The following EHMT1 variants were observed in gnomAD, a reference collection of about 807,000 sequenced individuals.
The protein encoded by EHMT1 is euchromatic histone lysine methyltransferase 1.
EHMT1 carries 15 observed loss-of-function variants against 147.2 expected under a neutral mutation model. The observed-to-expected ratio is 0.10, with a 90% CI of 0.07 to 0.16. The LOEUF is 0.16. EHMT1 is among the 10% of genes least tolerant of loss of function. EHMT1 has a pLI of 1.00. For synonymous variants in EHMT1, 795 were observed against 709.6 expected, an observed-to-expected ratio of 1.12 and a Z score of -1.91; for missense variants, 1,587 against 1,772.4, an observed-to-expected ratio of 0.90 and a Z score of 1.88.
chr9:137,776,074 T>A lies in EHMT1; in HGVS notation c.1792-544T>A, dbSNP rs927325632. ...GAGACTTTCTTTGGACTTCACACCT[T>A]GCATGTCCTCCCCATCTTCAAACAT... On this transcript the variant is annotated intron_variant, in intron 11 of 26. Transcript: ENST00000460843. The surrounding 1 kb of genome is among the most constrained non-coding windows in gnomAD (Gnocchi z 4.4). Among the ~76,000 whole-genome samples the A allele has an allele frequency of 6.6e-6, 1 of 152,206 alleles. No individual in the cohort carries two copies. The highest frequency in any genetic ancestry group is 6.5e-5 in the Admixed American group (1 of 15,284).
Position 137,779,625 on chromosome 9 carries a change from C to A in EHMT1, c.2193-10C>A, listed in dbSNP as rs376105503. On this transcript the variant is annotated splice_polypyrimidine_tract_variant and intron_variant, in intron 13 of 26. Coordinates refer to ENST00000460843, the MANE Select transcript of EHMT1 (RefSeq NM_024757.5). ...GCCCCATGCTGACTGTTGTCTTGTG[C>A]TTCCCACAGACCCAAGAAGCTTCGC... The A allele has an allele frequency of 1.2e-6, 2 of 1,613,646 alleles. No individual in the cohort carries two copies. The highest frequency in any genetic ancestry group is 1.7e-6 in the Non-Finnish European group (2 of 1,180,024).
At chr9:137,774,990 C>T in intron 10 of EHMT1, 119 bp from the exon 11 acceptor site, 2 of 1,468,064 alleles carry the variant, frequency 1.4e-6, no homozygotes, top group Non-Finnish European at 1.9e-6. Flanking sequence ...CAGGGCTCGG[C>T]TCAGTCAGCC....
intron 1 of EHMT1, among the ~76,000 whole-genome samples, chr9:137,632,802 T>A (rs1271483601): frequency 6.6e-6 from 1 of 152,198 alleles, no homozygotes; most frequent in Non-Finnish European, 1.5e-5. Context: ...TATTCCTGGG[T>A]ATAGCATCAC....
intron 16 of EHMT1, among the ~76,000 whole-genome samples, chr9:137,795,607 C>T (rs1030937388): frequency 5.3e-5 from 8 of 152,086 alleles, no homozygotes; most frequent in Admixed American, 5.2e-4. Flanking sequence ...ACAGTGGCCC[C>T]GGCTGGGAGT....
At chr9:137,668,052 C>G (rs1480909162) in intron 1 of EHMT1, among the ~76,000 whole-genome samples, 1 of 152,140 alleles carries the variant, frequency 6.6e-6, no homozygotes, top group East Asian at 1.9e-4. Flanking sequence ...CCTTTATAGA[C>G]TTTTGCAGAA....
chr9:137,769,908 C>G (rs946163941), intron 10 of EHMT1, among the ~76,000 whole-genome samples: 2 of 152,134 alleles, frequency 1.3e-5, no homozygotes, highest in East Asian at 3.8e-4. Context: ...ATGAACACGA[C>G]ACAGTGCAGC....
intron 1 of EHMT1, among the ~76,000 whole-genome samples, chr9:137,695,768 A>G (rs1369009578): frequency 1.3e-5 from 2 of 152,342 alleles, no homozygotes; most frequent in East Asian, 3.9e-4. Context: ...CGTCTGTGTC[A>G]TGGGCTGCCA....
intron 25 of EHMT1, among the ~76,000 whole-genome samples, chr9:137,823,119 G>A (rs1242236366): frequency 1.0e-5 from 1 of 97,640 alleles, no homozygotes; most frequent in African/African-American, 4.3e-5. Flanking sequence ...TTTTTTTTGA[G>A]ACGGAGTCTC....
At position 137,834,072 on chromosome 9, in the gene EHMT1, T is replaced by A. The variant is rs980467454; in HGVS notation, c.3541-277T>A. The A allele has an allele frequency of 1.7e-5, 9 of 536,164 alleles. No individual in the cohort carries two copies. The Admixed American group carries it at 2.5e-4, about 15-fold the overall frequency. The allele number at this position is 536,164 out of a possible 1,614,324, so 33.2% of individuals were successfully genotyped here. On this transcript the variant is annotated intron_variant, in intron 25 of 26. Transcript: ENST00000460843. Reference sequence around the variant, plus strand: ...ACATTCCACCGCGCTGGAAGCCCCATGGGGACGCCGTCAAGGGAACGGCCC... The same window carrying A: ...ACATTCCACCGCGCTGGAAGCCCCAAGGGGACGCCGTCAAGGGAACGGCCC...
intron 4 of EHMT1, among the ~76,000 whole-genome samples, chr9:137,729,566 G>A (rs1336470176): frequency 2.7e-5 from 4 of 150,734 alleles, no homozygotes; most frequent in Non-Finnish European, 5.9e-5. Flanking sequence ...CAGCCTGGGC[G>A]ACAGAGCAAG....
chr9:137,681,826 A>G (rs1365486038), intron 1 of EHMT1, among the ~76,000 whole-genome samples: 1 of 152,144 alleles, frequency 6.6e-6, no homozygotes, highest in Non-Finnish European at 1.5e-5. Context: ...TTGTGTGGTG[A>G]GACATTGTGC....
At chr9:137,744,581 G>T (rs772134573) in intron 6 of EHMT1, among the ~76,000 whole-genome samples, 3 of 152,218 alleles carry the variant, frequency 2.0e-5, no homozygotes, top group Non-Finnish European at 4.4e-5. Context: ...CAGTCTCCCA[G>T]TGTTGGGAAT....
chr9:137,745,664 C>A, intron 6 of EHMT1: 1 of 397,620 alleles, frequency 2.5e-6, no homozygotes, highest in South Asian at 1.3e-4. Flanking sequence ...ACACACGTGT[C>A]TGTCGCTCCA....
rs1429764030 is a variant in EHMT1, at chr9:137,787,500, G to A, written c.2383-3348G>A. Among the ~76,000 whole-genome samples the A allele has an allele frequency of 3.3e-5, 5 of 152,182 alleles. No homozygotes were observed. Among genetic ancestry groups the A allele is most frequent in the African/African-American group, 9.7e-5 (4 of 41,436 alleles). ...CCAGGGCCAGGGCCGTGCCCAGCTC[G>A]GCCACGGCCACACGTGGGGTAGTTA... is the stretch of plus-strand genomic sequence containing the variant. On this transcript the variant is annotated intron_variant, in intron 15 of 26. Transcript: ENST00000460843. The surrounding 1 kb of genome is among the most constrained non-coding windows in gnomAD (Gnocchi z 4.2).
At chr9:137,635,425 C>T (rs1564525352) in intron 1 of EHMT1, among the ~76,000 whole-genome samples, 4 of 151,548 alleles carry the variant, frequency 2.6e-5, no homozygotes, top group Admixed American at 6.6e-5. Context: ...CCATGTTGGA[C>T]AGGCTGGTCT....
intron 25 of EHMT1, 196 bp from the exon 26 acceptor site, chr9:137,834,153 G>A (rs1455165978): frequency 2.9e-6 from 2 of 695,128 alleles, no homozygotes; most frequent in Non-Finnish European, 4.8e-6. Flanking sequence ...AGGGTGCGGG[G>A]TGGGTGGCCA....
At chr9:137,796,831 A>G (rs12238423) in intron 16 of EHMT1, among the ~76,000 whole-genome samples, 51,155 of 151,272 alleles carry the variant, frequency 0.34, 8,974 homozygotes, top group Admixed American at 0.43. Context: ...CTGAGGGACC[A>G]TCTTACAGTC....
chr9:137,809,150 T>C (rs375731793), intron 18 of EHMT1, among the ~76,000 whole-genome samples: 2 of 152,198 alleles, frequency 1.3e-5, no homozygotes, highest in East Asian at 3.9e-4. Context: ...TTTAGTTTTC[T>C]CTTTTAGAAG....
At chr9:137,635,677 G>GGT (rs1843989773) in intron 1 of EHMT1, among the ~76,000 whole-genome samples, 1 of 150,948 alleles carries the variant, frequency 6.6e-6, no homozygotes, top group Admixed American at 6.6e-5. Flanking sequence ...AAAATTAGTG[G>GGT]GACGTGGTGG....
Sources: gnomAD v4.1 joint callset for allele counts (sites outside exome capture counted in the v4.1 genomes callset) on GRCh38, gnomAD v4.1.1 for gene constraint, Gnocchi (gnomAD v3.1) non-coding constraint, MANE v1.5 for transcripts, NCBI Gene and HGNC (gene_info 2026-07-23, HGNC 2026-07-21) for gene names.